Variants in WDR89 observed in about 807,000 individuals in gnomAD.
The protein encoded by WDR89 is WD repeat domain 89.
WDR89 carries 17 observed loss-of-function variants against 29.1 expected under a neutral mutation model. The observed-to-expected ratio is 0.58, with a 90% CI of 0.40 to 0.88. The LOEUF is 0.88. WDR89 is among the 40% of genes least tolerant of loss of function. The probability of loss-of-function intolerance (pLI) is 0.00; values close to 1 mark genes in which losing one functional copy is unlikely to be tolerated. For synonymous variants in WDR89, 138 were observed against 157.8 expected (o/e 0.87, Z 0.94); for missense variants, 396 against 456.3 (o/e 0.87, Z 1.20).
At chr14:63,641,097 C>CAA (rs57478091) in intron 1 of WDR89, among the ~76,000 whole-genome samples, 1,883 of 64,096 alleles carry the variant, frequency 0.029, 32 homozygotes, top group Non-Finnish European at 0.05. Flanking sequence ...GACTCCATCT[C>CAA]AAAAAAAAAA....
At chr14:63,637,382 C>T (rs1883803593) in intron 1 of WDR89, among the ~76,000 whole-genome samples, 1 of 152,046 alleles carries the variant, frequency 6.6e-6, no homozygotes, top group Non-Finnish European at 1.5e-5. Context: ...AAAAGCAGAA[C>T]TAACATTTGA....
At chr14:63,604,632 TTATATG>T (rs1440002442) in intron 2 of WDR89, among the ~76,000 whole-genome samples, 1 of 152,194 alleles carries the variant, frequency 6.6e-6, no homozygotes, top group Non-Finnish European at 1.5e-5. Flanking sequence ...GGCACCATAT[TTATATG>T]TATCTTTCTT....
At chr14:63,600,882 G>C (rs919411754) in intron 2 of WDR89, among the ~76,000 whole-genome samples, 2 of 152,020 alleles carry the variant, frequency 1.3e-5, no homozygotes, top group Admixed American at 6.6e-5. Context: ...CCTTAAAATA[G>C]GGAGATTATC....
chr14:63,618,677 TAGAAA>T (rs959067732), intron 2 of WDR89, among the ~76,000 whole-genome samples: 1 of 148,946 alleles, frequency 6.7e-6, no homozygotes, highest in African/African-American at 2.5e-5. Context: ...GAAAGAAAAA[TAGAAA>T]AGAAAAAAAC....
Position 63,600,025 on chromosome 14 carries a change from C to A in WDR89, c.-31-52G>T, listed in dbSNP as rs192344174. The A allele has an allele frequency of 4.8e-5, 54 of 1,120,940 alleles. No homozygotes were observed. In the African/African-American group the frequency reaches 7.6e-4, roughly 16 times the overall value. The allele number at this position is 1,120,940 out of a possible 1,614,324, so 69.4% of individuals were successfully genotyped here. A position where few individuals can be genotyped will look rare whatever the true frequency, so the allele number is the denominator to read the frequency against. On this transcript the variant is annotated intron_variant, in intron 2 of 2. Transcript: ENST00000620954. ...AAAAATTAATGCTTAACAAGGGAGA[C>A]ACATAAAAAAATTTAACTTGAAGTT...
intron 1 of WDR89, among the ~76,000 whole-genome samples, chr14:63,636,426 A>G (rs992840779): frequency 3.3e-5 from 5 of 152,230 alleles, no homozygotes; most frequent in Admixed American, 2.6e-4. Context: ...CCTAAAATTC[A>G]TATGGAACCA....
chr14:63,600,717 C>CCAAA (rs1171343231), intron 2 of WDR89, among the ~76,000 whole-genome samples: 1 of 36,144 alleles, frequency 2.8e-5, no homozygotes, highest in East Asian at 1.4e-3. Flanking sequence ...GATATGTAGG[C>CCAAA]AAAAAAAAAA....
At chr14:63,601,183 T>C (rs1295448044) in intron 2 of WDR89, among the ~76,000 whole-genome samples, 1 of 152,062 alleles carries the variant, frequency 6.6e-6, no homozygotes, top group Non-Finnish European at 1.5e-5. Context: ...GTTAAGATAA[T>C]AAACTTAATG....
chr14:63,601,073 G>T (rs919492191), intron 2 of WDR89, among the ~76,000 whole-genome samples: 1 of 152,072 alleles, frequency 6.6e-6, no homozygotes, highest in African/African-American at 2.4e-5. Flanking sequence ...TAAAAAGCAA[G>T]AAAAGATTGT....
intron 2 of WDR89, among the ~76,000 whole-genome samples, chr14:63,616,393 T>C (rs1388784114): frequency 6.6e-6 from 1 of 152,104 alleles, no homozygotes; most frequent in Non-Finnish European, 1.5e-5. Context: ...TAGAAGGAGA[T>C]AGGTGGAAAT....
chr14:63,608,079 G>T (rs1251362800), intron 2 of WDR89, among the ~76,000 whole-genome samples: 1 of 151,948 alleles, frequency 6.6e-6, no homozygotes, highest in East Asian at 1.9e-4. Context: ...GGTGGTGCAT[G>T]CCTGTAATCC....
Position 63,599,338 on chromosome 14 carries a change from A to G in WDR89, c.605T>C (p.Ile202Thr), listed in dbSNP as rs1555373499. ...DGLVNVFDINIDNEEDALVTT... is the reference protein window; with the variant it reads ...DGLVNVFDINTDNEEDALVTT... ...AACCAGTGCATCCTCCTCATTATCA[A>G]TATTAATATCAAATACATTTACCAG... The change falls in exon 3 of 3, where the codon ATT becomes ACT. Residue 202 changes from isoleucine (I) to threonine (T), a missense_variant. Transcript: ENST00000620954. 3 of 1,614,048 alleles carry G rather than the reference A, an allele frequency of 1.9e-6. No homozygotes were observed. The highest frequency in any genetic ancestry group is 1.1e-5 in the South Asian group (1 of 91,080).
intron 1 of WDR89, among the ~76,000 whole-genome samples, chr14:63,639,282 G>A (rs1161399720): frequency 6.6e-6 from 1 of 151,514 alleles, no homozygotes; most frequent in East Asian, 1.9e-4. Flanking sequence ...AACTTTGGGA[G>A]GCCAAGGTGG....
At chr14:63,630,325 G>C (rs1190621501) in intron 1 of WDR89, among the ~76,000 whole-genome samples, 2 of 151,874 alleles carry the variant, frequency 1.3e-5, no homozygotes, top group East Asian at 3.9e-4. Context: ...CTGAAGGTTG[G>C]GAGACCATAG....
intron 1 of WDR89, among the ~76,000 whole-genome samples, chr14:63,627,728 C>T (rs1166682806): frequency 6.6e-6 from 1 of 151,854 alleles, no homozygotes; most frequent in Non-Finnish European, 1.5e-5. Context: ...CTATGTCTTT[C>T]AGTGTCTTAA....
At chr14:63,602,969 G>A (rs1005852666) in intron 2 of WDR89, among the ~76,000 whole-genome samples, 1 of 151,920 alleles carries the variant, frequency 6.6e-6, no homozygotes, top group African/African-American at 2.4e-5. Flanking sequence ...TGTTAGCCAG[G>A]ATGGTCTCGA....
chr14:63,612,365 G>T (rs893227522), intron 2 of WDR89, among the ~76,000 whole-genome samples: 1 of 147,274 alleles, frequency 6.8e-6, no homozygotes, highest in Non-Finnish European at 1.5e-5. Flanking sequence ...CTCCTCTGTC[G>T]CCCGGGCTAG....
chr14:63,601,747 T>A, intron 2 of WDR89: 3 of 1,383,530 alleles, frequency 2.2e-6, no homozygotes, highest in Non-Finnish European at 3.1e-6. Context: ...GGCACCAAAG[T>A]AGTTCTAGAT....
At chr14:63,611,283 A>G (rs1881969797) in intron 2 of WDR89, among the ~76,000 whole-genome samples, 1 of 149,512 alleles carries the variant, frequency 6.7e-6, no homozygotes, top group South Asian at 2.1e-4. Flanking sequence ...GTTGCGGTAG[A>G]CAAGATTGCG....
Sources: allele counts gnomAD v4.1 joint callset (sites outside exome capture counted in the v4.1 genomes callset), GRCh38; gene constraint gnomAD v4.1.1; transcripts MANE v1.5; gene names NCBI Gene and HGNC (gene_info 2026-07-23, HGNC 2026-07-21).